PTPRD: variants seen among roughly 807,000 people sequenced by gnomAD.
PTPRD encodes receptor-type tyrosine-protein phosphatase delta.
In PTPRD, 34 loss-of-function variants were observed where a neutral mutation model predicts 214.5. The ratio of observed to expected loss-of-function variants is 0.16; its 90% CI spans 0.12 to 0.21. The LOEUF is 0.21. Among genes scored for constraint, PTPRD ranks in the 10% least tolerant of loss-of-function variants. The pLI is 1.00. For synonymous variants in PTPRD, 1,128 were observed against 845.7 expected (o/e 1.33, Z -5.79); for missense variants, 2,545 against 2,398.7 (o/e 1.06, Z -1.27).
intron 6 of PTPRD, among the ~76,000 whole-genome samples, chr9:9,755,683 A>T (rs899551226): frequency 6.6e-6 from 1 of 152,066 alleles, no homozygotes; most frequent in Non-Finnish European, 1.5e-5. Context: ...CACACGTGGA[A>T]ATTTAAGCAA....
chr9:9,768,341 T>A (rs1026873277), intron 5 of PTPRD, among the ~76,000 whole-genome samples: 32 of 152,208 alleles, frequency 2.1e-4, no homozygotes, highest in African/African-American at 7.7e-4. Context: ...AAATGTTAGC[T>A]ATTAAAACTA....
intron 5 of PTPRD, among the ~76,000 whole-genome samples, chr9:9,936,737 A>G (rs1233788484): frequency 7.3e-6 from 1 of 136,412 alleles, no homozygotes; most frequent in Non-Finnish European, 1.5e-5. Flanking sequence ...ATATACCCAA[A>G]GGACTATAAA....
At chr9:8,901,903 G>A (rs1230738184) in intron 11 of PTPRD, among the ~76,000 whole-genome samples, 3 of 152,100 alleles carry the variant, frequency 2.0e-5, no homozygotes, top group Non-Finnish European at 4.4e-5. Flanking sequence ...CACAGGCATA[G>A]GAACAAGTAC....
chr9:8,988,675 G>C (rs967129805), intron 11 of PTPRD, among the ~76,000 whole-genome samples: 12 of 150,218 alleles, frequency 8.0e-5, no homozygotes, highest in Non-Finnish European at 1.3e-4. Flanking sequence ...TTAACATTAC[G>C]ATTTTTTTAG....
intron 11 of PTPRD, among the ~76,000 whole-genome samples, chr9:8,764,984 G>C (rs921108325): frequency 3.9e-5 from 6 of 152,042 alleles, no homozygotes; most frequent in Admixed American, 2.6e-4. Flanking sequence ...TTATTAGCCA[G>C]ACAACCTTTA....
intron 3 of PTPRD, among the ~76,000 whole-genome samples, chr9:10,218,163 C>T (rs184722028): frequency 7.9e-4 from 120 of 151,908 alleles, no homozygotes; most frequent in African/African-American, 2.5e-3. Flanking sequence ...TTTGCATAGG[C>T]TTCTGGATGT....
In PTPRD at chr9:8,465,555, T is replaced by C; in HGVS notation, c.3625A>G (p.Lys1209Glu). The C allele has an allele frequency of 6.2e-7, 1 of 1,612,734 alleles. No individual in the cohort carries two copies. The change falls in exon 32 of 46, where the codon AAG becomes GAG. Residue 1209 changes from lysine to glutamate, a missense_variant. Physicochemically the swap from Lys to Glu is moderately conservative, Grantham distance 56. Transcript: ENST00000381196. ...TTGTTTGTAAATCCACCATAATGCTTGTCATCCCCCAGGGTGAACTCAGTG... is the reference window on the plus strand; with the variant it reads ...TTGTTTGTAAATCCACCATAATGCTCGTCATCCCCCAGGGTGAACTCAGTG... ...LPTEFTLGDD[K>E]HYGGFTNKQL...
At chr9:9,397,215 G>C (rs1385945699) in intron 9 of PTPRD, among the ~76,000 whole-genome samples, 1 of 151,926 alleles carries the variant, frequency 6.6e-6, no homozygotes, top group East Asian at 1.9e-4. Context: ...TAAAGTTTGA[G>C]TAAGTGAAGC....
At position 8,471,932 on chromosome 9, in the gene PTPRD, A is replaced by G. The variant is rs113983242; in HGVS notation, c.3414-847T>C. 3.2e-3 allele frequency among the ~76,000 whole-genome samples: 487 copies of G among 152,300 alleles called. 4 individuals carry two copies. Among genetic ancestry groups the G allele is most frequent in the African/African-American group, 0.011 (460 of 41,564 alleles). On this transcript the variant is annotated intron_variant, in intron 30 of 45. Coordinates refer to ENST00000381196, the MANE Select transcript of PTPRD (RefSeq NM_002839.4). ...TACTGATCTTTAGTAGTAACTATAC[A>G]AGGACTTTGAACATACTGTTTAATA...
At chr9:9,512,579 T>C (rs1041079985) in intron 8 of PTPRD, among the ~76,000 whole-genome samples, 34 of 151,888 alleles carry the variant, frequency 2.2e-4, no homozygotes, top group Admixed American at 6.6e-5. Flanking sequence ...TCTTTTCTCA[T>C]TTCGTGAGCC....
At chr9:8,739,916 G>C (rs771497338) in intron 11 of PTPRD, among the ~76,000 whole-genome samples, 2 of 152,098 alleles carry the variant, frequency 1.3e-5, no homozygotes, top group South Asian at 2.1e-4. Flanking sequence ...GCTGCCATGT[G>C]AGATGTGACT....
intron 44 of PTPRD, among the ~76,000 whole-genome samples, chr9:8,321,483 GTGTGTA>G (rs1358000579): frequency 6.6e-4 from 32 of 48,760 alleles, no homozygotes; most frequent in Non-Finnish European, 9.1e-4. Context: ...GTGTGTGTGT[GTGTGTA>G]TATATATATA....
intron 2 of PTPRD, among the ~76,000 whole-genome samples, chr9:10,552,765 G>T (rs2061618703): frequency 6.6e-6 from 1 of 151,084 alleles, no homozygotes; most frequent in African/African-American, 2.4e-5. Context: ...CTCTCCCATG[G>T]AAAGAAAAAA....
chr9:10,158,106 T>C (rs542437357), intron 3 of PTPRD, among the ~76,000 whole-genome samples: 1 of 152,178 alleles, frequency 6.6e-6, no homozygotes, highest in Admixed American at 6.6e-5. Context: ...CCTCCTGAGT[T>C]CAAACAATTC....
At chr9:9,299,868 C>G (rs950275801) in intron 9 of PTPRD, among the ~76,000 whole-genome samples, 1 of 151,146 alleles carries the variant, frequency 6.6e-6, no homozygotes, top group Non-Finnish European at 1.5e-5. Flanking sequence ...AAACTTCTTA[C>G]TGATTAATCT....
At chr9:8,452,611 A>G (rs997969589) in intron 33 of PTPRD, among the ~76,000 whole-genome samples, 5 of 152,166 alleles carry the variant, frequency 3.3e-5, no homozygotes, top group Non-Finnish European at 7.4e-5. Flanking sequence ...TTCTATTAAG[A>G]TTATAAAATG....
intron 8 of PTPRD, among the ~76,000 whole-genome samples, chr9:9,481,023 G>A (rs758870719): frequency 1.6e-4 from 24 of 151,980 alleles, no homozygotes; most frequent in Non-Finnish European, 2.4e-4. Context: ...ATGCCTATAT[G>A]ATGGATTTAA....
intron 10 of PTPRD, among the ~76,000 whole-genome samples, chr9:9,077,423 G>A (rs1395351841): frequency 6.6e-6 from 1 of 152,028 alleles, no homozygotes; most frequent in East Asian, 1.9e-4. Flanking sequence ...ATTTCCTAAT[G>A]TAGTAAGTCT....
At chr9:9,955,257 G>A (rs1363171283) in intron 4 of PTPRD, among the ~76,000 whole-genome samples, 1 of 151,694 alleles carries the variant, frequency 6.6e-6, no homozygotes, top group African/African-American at 2.4e-5. Context: ...GAGTGAACGA[G>A]TACTAAACGG....
Sources: allele counts gnomAD v4.1 joint callset (sites outside exome capture counted in the v4.1 genomes callset), GRCh38; gene constraint gnomAD v4.1.1; transcripts MANE v1.5; gene names NCBI Gene and HGNC (gene_info 2026-07-23, HGNC 2026-07-21).